The following PCCB variants were observed in gnomAD, a reference collection of about 807,000 sequenced individuals.
The protein encoded by PCCB is propionyl-CoA carboxylase beta chain, mitochondrial.
A neutral mutation model predicts 60.7 loss-of-function variants in PCCB; 43 were observed. That is an observed-to-expected ratio of 0.71 (90% CI 0.55 to 0.91). The LOEUF is 0.91. Ranked by LOEUF, PCCB falls within the 40% of genes least tolerant of loss-of-function variation. The probability of loss-of-function intolerance (pLI) is 0.00; values close to 1 mark genes in which losing one functional copy is unlikely to be tolerated. For synonymous variants in PCCB, 276 were observed against 255.9 expected, an observed-to-expected ratio of 1.08 and a Z score of -0.75; for missense variants, 766 against 702.8, an observed-to-expected ratio of 1.09 and a Z score of -1.02.
Position 136,310,881 on chromosome 3 carries a change from T to C in PCCB, c.967-6060T>C, listed in dbSNP as rs115956432. Among the ~76,000 whole-genome samples, 1,102 of 152,256 alleles carry C rather than the reference T, an allele frequency of 7.2e-3. 17 individuals carry two copies. The highest frequency in any genetic ancestry group is 0.025 in the African/African-American group (1,048 of 41,548). On this transcript the variant is annotated intron_variant, in intron 9 of 14. Coordinates refer to ENST00000251654, the MANE Select transcript of PCCB (RefSeq NM_000532.5). Reference sequence around the variant, plus strand: ...CGCTGAAGAAAACCTTTAAGAAACATCAATACCTATTCCTGATAGACTTCA... The same window carrying C: ...CGCTGAAGAAAACCTTTAAGAAACACCAATACCTATTCCTGATAGACTTCA...
At position 136,327,149 on chromosome 3, in the gene PCCB, G is replaced by A; in HGVS notation, c.1199-6G>A. On this transcript the variant is annotated splice_region_variant and splice_polypyrimidine_tract_variant and intron_variant, in intron 11 of 14. Transcript: ENST00000251654. ...TGGGTATCTAGTAACTCTTCCTCAT[G>A]TCTAGGCACAGCACAGGAATACGGG... 1 of 1,613,730 alleles carries A rather than the reference G, an allele frequency of 6.2e-7. No individual in the cohort carries two copies. Among genetic ancestry groups the A allele is most frequent in the Non-Finnish European group, 8.5e-7 (1 of 1,179,630 alleles).
At chr3:136,253,830 G>A (rs919913347) in intron 1 of PCCB, among the ~76,000 whole-genome samples, 1 of 151,292 alleles carries the variant, frequency 6.6e-6, no homozygotes, top group African/African-American at 2.4e-5. Context: ...TTATTTTTTG[G>A]TAGAGACAGA....
At chr3:136,308,197 A>T (rs1403184957) in intron 9 of PCCB, among the ~76,000 whole-genome samples, 1 of 151,708 alleles carries the variant, frequency 6.6e-6, no homozygotes, top group Admixed American at 6.6e-5. Context: ...AATATTGAAC[A>T]GAGTAAAGTT....
At chr3:136,292,503 CTTA>C (rs1293997443) in intron 6 of PCCB, among the ~76,000 whole-genome samples, 1 of 152,116 alleles carries the variant, frequency 6.6e-6, no homozygotes, top group Non-Finnish European at 1.5e-5. Context: ...TGCAGAATTG[CTTA>C]TTATACTAAA....
intron 3 of PCCB, chr3:136,259,178 A>G: frequency 6.8e-7 from 1 of 1,461,980 alleles, no homozygotes; most frequent in East Asian, 2.7e-5. Context: ...TAAAACAGCA[A>G]ATAATAGGCT....
In PCCB at chr3:136,311,801, CA is replaced by C. The variant is rs1934679881; in HGVS notation, c.967-5136del. 2.0e-5 allele frequency among the ~76,000 whole-genome samples: 3 copies of C among 152,104 alleles called. No homozygotes were observed. In the South Asian group the frequency reaches 6.2e-4, roughly 31 times the overall value. On this transcript the variant is annotated intron_variant, in intron 9 of 14. Coordinates refer to ENST00000251654, the MANE Select transcript of PCCB (RefSeq NM_000532.5). ...ATAGTGAGACCTTGTCTGTACAAAA[CA>C]AAACATTAAAATAGACTTGAACAAA... is the stretch of plus-strand genomic sequence containing the variant.
chr3:136,327,786 G>A (rs1935381549), intron 13 of PCCB, 54 bp downstream of exon 13: 12 of 1,360,148 alleles, frequency 8.8e-6, no homozygotes, highest in Middle Eastern at 4.8e-4. Flanking sequence ...CTCTACCAGC[G>A]AGAGCTCAAG....
intron 6 of PCCB, among the ~76,000 whole-genome samples, chr3:136,286,962 C>T (rs560283019): frequency 6.6e-6 from 1 of 150,662 alleles, no homozygotes; most frequent in Non-Finnish European, 1.5e-5. Flanking sequence ...ACCTGAGAGG[C>T]GGAGGTTGCA....
At chr3:136,288,471 G>T (rs985732289) in intron 6 of PCCB, among the ~76,000 whole-genome samples, 2 of 150,090 alleles carry the variant, frequency 1.3e-5, no homozygotes, top group Admixed American at 6.6e-5. Flanking sequence ...TCAGCCTCCT[G>T]TGTAGCTGGG....
intron 5 of PCCB, among the ~76,000 whole-genome samples, chr3:136,268,124 A>ATATATATATATATATATATATATG (rs1942084561): frequency 7.6e-6 from 1 of 132,088 alleles, no homozygotes; most frequent in African/African-American, 3.0e-5. Context: ...ATATATATGT[A>ATATATATATATATATATATATATG]TATATATATA....
At chr3:136,311,940 G>C (rs1934685346) in intron 9 of PCCB, among the ~76,000 whole-genome samples, 1 of 152,144 alleles carries the variant, frequency 6.6e-6, no homozygotes, top group African/African-American at 2.4e-5. Context: ...ACTAGAACTA[G>C]ATAAGTTTAT....
In PCCB at chr3:136,262,075, C is replaced by G. The variant is rs2108146841; in HGVS notation, c.543+10C>G. On this transcript the variant is annotated intron_variant, in intron 5 of 14. Coordinates refer to ENST00000251654, the MANE Select transcript of PCCB (RefSeq NM_000532.5). ...TGCAGACATCTTTCTGGTGAGAAACCTGTTAATAGAGAATAAAAAAATACA... is the reference window on the plus strand; with the variant it reads ...TGCAGACATCTTTCTGGTGAGAAACGTGTTAATAGAGAATAAAAAAATACA... 6.7e-7 allele frequency: 1 copy of G among 1,493,980 alleles called. No individual in the cohort carries two copies. The highest frequency in any genetic ancestry group is 9.1e-7 in the Non-Finnish European group (1 of 1,093,884). The allele number at this position is 1,493,980 out of a possible 1,614,324, so 92.5% of individuals were successfully genotyped here. A position where few individuals can be genotyped will look rare whatever the true frequency, so the allele number is the denominator to read the frequency against.
intron 9 of PCCB, among the ~76,000 whole-genome samples, chr3:136,302,463 C>T (rs970340459): frequency 5.8e-5 from 7 of 121,088 alleles, no homozygotes; most frequent in African/African-American, 1.5e-4. Context: ...ACTCTTGATT[C>T]TCATTATAAA....
intron 8 of PCCB, among the ~76,000 whole-genome samples, chr3:136,299,962 G>C (rs555341495): frequency 7.3e-5 from 11 of 151,608 alleles, no homozygotes; most frequent in African/African-American, 2.2e-4. Context: ...ATATATACAT[G>C]TATGCATGTA....
chr3:136,250,407 G>C lies in PCCB; in HGVS notation c.32G>C (p.Gly11Ala). 1 of 1,570,630 alleles carries C rather than the reference G, an allele frequency of 6.4e-7. No homozygotes were observed. The highest frequency in any genetic ancestry group is 1.2e-5 in the South Asian group (1 of 85,914). Residue 11 changes from glycine (G) to alanine (A), a missense_variant, in exon 1 of 15, where the codon GGG (glycine) becomes GCG (alanine). By Grantham distance (60) the Gly-to-Ala change is moderately conservative (BLOSUM62 0). Transcript: ENST00000251654. Reference sequence around the variant, plus strand: ...GCGGCATTACGGGTGGCGGCGGTCGGGGCAAGGCTCAGCGTTCTGGCGAGC... The same window carrying C: ...GCGGCATTACGGGTGGCGGCGGTCGCGGCAAGGCTCAGCGTTCTGGCGAGC... Reference protein sequence around the residue: MAAALRVAAVGARLSVLASGL... With the variant: MAAALRVAAVAARLSVLASGL...
At chr3:136,287,982 C>T (rs1933501077) in intron 6 of PCCB, among the ~76,000 whole-genome samples, 2 of 152,218 alleles carry the variant, frequency 1.3e-5, no homozygotes, top group Non-Finnish European at 2.9e-5. Flanking sequence ...TTGCAGCCAG[C>T]AATTTGAGAA....
chr3:136,279,272 T>A (rs930999556), intron 5 of PCCB, among the ~76,000 whole-genome samples: 1 of 152,194 alleles, frequency 6.6e-6, no homozygotes, highest in African/African-American at 2.4e-5. Context: ...AAGAGTTTAA[T>A]CCATTTATAC....
chr3:136,277,420 C>G (rs1942358194), intron 5 of PCCB, among the ~76,000 whole-genome samples: 1 of 152,108 alleles, frequency 6.6e-6, no homozygotes, highest in African/African-American at 2.4e-5. Context: ...TCGAGCTTGT[C>G]CTGTGTTGCC....
At chr3:136,312,916 A>T (rs1017649466) in intron 9 of PCCB, among the ~76,000 whole-genome samples, 2 of 152,242 alleles carry the variant, frequency 1.3e-5, no homozygotes, top group African/African-American at 2.4e-5. Flanking sequence ...ACCAAAATTG[A>T]TAGAAAAGTG....
Sources: allele counts gnomAD v4.1 joint callset (sites outside exome capture counted in the v4.1 genomes callset), GRCh38; gene constraint gnomAD v4.1.1; transcripts MANE v1.5; gene names NCBI Gene and HGNC (gene_info 2026-07-23, HGNC 2026-07-21).